Variants in LRRC56 observed in about 807,000 individuals in gnomAD.
LRRC56 encodes the protein leucine rich repeat containing 56.
LRRC56 carries 41 observed loss-of-function variants against 47.8 expected under a neutral mutation model. The observed-to-expected ratio is 0.86, with a 90% CI of 0.67 to 1.11. The LOEUF (loss-of-function observed/expected upper bound fraction) is 1.11, where lower values mean the gene tolerates loss of function less well. Ranked by LOEUF, LRRC56 falls within the 50% of genes most tolerant of loss-of-function variation. The probability of loss-of-function intolerance (pLI) is 0.00; values close to 1 mark genes in which losing one functional copy is unlikely to be tolerated. For synonymous variants in LRRC56, 387 were observed against 311.2 expected, an observed-to-expected ratio of 1.24 and a Z score of -2.56; for missense variants, 759 against 704.2, an observed-to-expected ratio of 1.08 and a Z score of -0.88.
chr11:517,892 C>T, the LRRC56 span, among the ~76,000 whole-genome samples: 29 of 152,210 alleles, frequency 1.9e-4, no homozygotes, highest in Non-Finnish European at 3.5e-4. Flanking sequence ...CTCTCTGAAA[C>T]GTGCTGTGTC....
At position 554,025 on chromosome 11, in the gene LRRC56, G is replaced by C. The variant is rs556285816; in HGVS notation, c.1378G>C (p.Asp460His). ...ACCTCCCAAGCACCCAAGGCCACGA[G>C]ATTCTGGCAGCAGCTCCCCGCGGTG... ...PSPPKHPRPR[D>H]SGSSSPRWST... The change falls in exon 14 of 14, where the codon GAT becomes CAT. Residue 460 changes from aspartate (D) to histidine (H), a missense_variant. Coordinates refer to ENST00000270115, the MANE Select transcript of LRRC56 (RefSeq NM_198075.4). 6.2e-7 allele frequency: 1 copy of C among 1,612,258 alleles called. No individual in the cohort carries two copies. The highest frequency in any genetic ancestry group is 1.3e-5 in the African/African-American group (1 of 75,032).
At chr11:523,392 G>A in the LRRC56 span, among the ~76,000 whole-genome samples, 1 of 151,208 alleles carries the variant, frequency 6.6e-6, no homozygotes, top group Non-Finnish European at 1.5e-5. Flanking sequence ...CAGCACTTTG[G>A]GAGGCTGAGG....
upstream of LRRC56, chr11:533,228 G>A (rs1851215011): frequency 2.0e-6 from 3 of 1,480,258 alleles, no homozygotes; most frequent in South Asian, 3.7e-5. Context: ...CGTGAGCCCA[G>A]ACCCCGGCCC....
chr11:525,276 A>C, the LRRC56 span, among the ~76,000 whole-genome samples: 30 of 151,590 alleles, frequency 2.0e-4, no homozygotes, highest in Middle Eastern at 9.5e-3. Flanking sequence ...ACGGTGGCTC[A>C]CGCCTGTAAT....
the LRRC56 span, among the ~76,000 whole-genome samples, chr11:524,935 CA>C: frequency 6.8e-6 from 1 of 146,794 alleles, no homozygotes; most frequent in African/African-American, 2.5e-5. Context: ...TACTAAAATA[CA>C]AAAACAAAAA....
In LRRC56 at chr11:541,550, G is replaced by A. The variant is rs143908864; in HGVS notation, c.191G>A (p.Arg64Gln). ...TGGTTTCTACAGCAGGCCCTGGCCCGGGTGGATGACCTTCGGCTGGTGAGG... is the reference window on the plus strand; with the variant it reads ...TGGTTTCTACAGCAGGCCCTGGCCCAGGTGGATGACCTTCGGCTGGTGAGG... ...LSPARLQALA[R>Q]VDDLRLVRTL... The change falls in exon 5 of 14, where the codon CGG (arginine) becomes CAG (glutamine). Residue 64 changes from arginine to glutamine, a missense_variant. Physicochemically the swap from Arg to Gln is conservative, Grantham distance 43. Coordinates refer to ENST00000270115, the MANE Select transcript of LRRC56 (RefSeq NM_198075.4). The surrounding 1 kb of genome is among the most constrained non-coding windows in gnomAD (Gnocchi z 4.1). 137 of 1,578,212 alleles carry A rather than the reference G, an allele frequency of 8.7e-5. No individual in the cohort carries two copies. The highest frequency in any genetic ancestry group is 4.6e-4 in the East Asian group (19 of 41,620).
At chr11:516,875 G>A in the LRRC56 span, among the ~76,000 whole-genome samples, 1,828 of 151,996 alleles carry the variant, frequency 0.012, 48 homozygotes, top group African/African-American at 0.042. Context: ...CTCTCCCTTC[G>A]GTCTCCCTCT....
At chr11:507,034 C>G in the LRRC56 span, 1 of 152,252 alleles carries the variant, frequency 6.6e-6, no homozygotes, top group Admixed American at 6.5e-5. Flanking sequence ...AGCGCCAGGC[C>G]CGCGTCTACA....
In LRRC56 at chr11:552,246, C is replaced by T. The variant is rs368838950; in HGVS notation, c.1181+14C>T. On this transcript the variant is annotated intron_variant, in intron 12 of 13. Transcript: ENST00000270115. ...ACATGGCGTGCGGTGGGTGTCCCTCCAGCTCTTCCACTGGGTGTGTCCTGT... is the reference window on the plus strand; with the variant it reads ...ACATGGCGTGCGGTGGGTGTCCCTCTAGCTCTTCCACTGGGTGTGTCCTGT... 2.5e-6 allele frequency: 4 copies of T among 1,603,758 alleles called. No individual in the cohort carries two copies. Among genetic ancestry groups the T allele is most frequent in the Middle Eastern group, 1.7e-4 (1 of 6,012 alleles).
the LRRC56 span, among the ~76,000 whole-genome samples, chr11:531,127 C>G: frequency 6.8e-6 from 1 of 146,566 alleles, no homozygotes; most frequent in South Asian, 2.2e-4. Context: ...GGGAGTGTGG[C>G]GTCCCCTGGA....
chr11:514,025 T>A, the LRRC56 span, among the ~76,000 whole-genome samples: 3 of 152,050 alleles, frequency 2.0e-5, no homozygotes, highest in Non-Finnish European at 4.4e-5. Flanking sequence ...AGAGTCTCAC[T>A]CTCTTGCCCA....
At chr11:553,936 C>CA (rs1564809789) in intron 13 of LRRC56, 27 bp from the exon 14 acceptor site, 1 of 1,597,794 alleles carries the variant, frequency 6.3e-7, no homozygotes, top group South Asian at 1.1e-5. Context: ...GCCTTTCTGA[C>CA]GTCCCATCAC....
At position 551,160 on chromosome 11, in the gene LRRC56, G is replaced by A. The variant is rs1042719837; in HGVS notation, c.654G>A (p.Glu218=). The part of the protein sequence containing the change: ...KVPRGYNYRA[E]VRKLIPQLQV... ...CCAGGGGCTACAACTACAGGGCAGA[G>A]GTGAGGAAGCTCATTCCCCAGCTGC... The change falls in exon 9 of 14, where the codon GAG becomes GAA. Residue 218 remains glutamate (E), a synonymous_variant. Coordinates refer to ENST00000270115, the MANE Select transcript of LRRC56 (RefSeq NM_198075.4). 6.5e-7 allele frequency: 1 copy of A among 1,539,964 alleles called. No homozygotes were observed. Among genetic ancestry groups the A allele is most frequent in the Non-Finnish European group, 8.8e-7 (1 of 1,140,438 alleles).
At chr11:520,712 C>G in the LRRC56 span, among the ~76,000 whole-genome samples, 2 of 152,134 alleles carry the variant, frequency 1.3e-5, no homozygotes, top group Non-Finnish European at 2.9e-5. Context: ...CAGAGCCCCC[C>G]GAGTCGCCCT....
At chr11:517,339 C>T in the LRRC56 span, among the ~76,000 whole-genome samples, 211 of 148,974 alleles carry the variant, frequency 1.4e-3, 2 homozygotes, top group East Asian at 0.035. Context: ...CGCCTCTGCC[C>T]GGCCGCCCGG....
the LRRC56 span, among the ~76,000 whole-genome samples, chr11:525,688 G>A: frequency 6.3e-4 from 96 of 152,200 alleles, 2 homozygotes; most frequent in East Asian, 0.014. Flanking sequence ...TTGAGGCCAG[G>A]AGTTTGAGAC....
chr11:551,709 G>A lies in LRRC56; in HGVS notation c.855G>A (p.Thr285=), dbSNP rs769838205. The change falls in exon 10 of 14, where the codon ACG becomes ACA. Residue 285 remains threonine, a synonymous_variant. Transcript: ENST00000270115. ...RLDPELSLPE[T]QSRASRPWPF... ...ACCCCGAGCTGTCCCTGCCTGAGAC[G>A]CAGTCCCGGGCCTCCAGGCCCTGGC... 4.0e-5 allele frequency: 65 copies of A among 1,610,604 alleles called. No homozygotes were observed. In the Middle Eastern group the frequency reaches 9.9e-4, roughly 25 times the overall value.
intron 1 of LRRC56, among the ~76,000 whole-genome samples, chr11:537,934 G>T (rs1564794920): frequency 6.6e-6 from 1 of 152,218 alleles, no homozygotes; most frequent in Non-Finnish European, 1.5e-5. Context: ...AGCCCCCATG[G>T]TGAAGGGGCG....
upstream of LRRC56, chr11:532,895 A>G (rs550994842): frequency 1.8e-5 from 15 of 841,032 alleles, no homozygotes; most frequent in East Asian, 3.1e-4. Context: ...CACCACACAC[A>G]CGGGAAGCTG....
Sources: allele counts gnomAD v4.1 joint callset (sites outside exome capture counted in the v4.1 genomes callset), GRCh38; gene constraint gnomAD v4.1.1; non-coding constraint Gnocchi (gnomAD v3.1); transcripts MANE v1.5; gene names NCBI Gene and HGNC (gene_info 2026-07-23, HGNC 2026-07-21).